The following RAD54L2 variants were observed in gnomAD, a reference collection of about 807,000 sequenced individuals.
RAD54L2 encodes helicase ARIP4.
RAD54L2 carries 27 observed loss-of-function variants against 138.4 expected under a neutral mutation model. That is an observed-to-expected ratio of 0.20 (90% CI 0.14 to 0.27). The LOEUF (loss-of-function observed/expected upper bound fraction) is 0.27. Among genes scored for constraint, RAD54L2 ranks in the 10% least tolerant of loss-of-function variants. RAD54L2 has a pLI of 1.00. For missense variants in RAD54L2, 1,396 were observed against 1,890.2 expected, an observed-to-expected ratio of 0.74 and a Z score of 4.85; for synonymous variants, 644 against 723.2, an observed-to-expected ratio of 0.89 and a Z score of 1.76.
At chr3:51,647,229 G>T (rs2106828609) in intron 19 of RAD54L2, among the ~76,000 whole-genome samples, 1 of 152,100 alleles carries the variant, frequency 6.6e-6, no homozygotes, top group East Asian at 1.9e-4. Context: ...TTGTGACAGG[G>T]TGTCACTCTG....
chr3:51,633,463 C>T, intron 7 of RAD54L2, 114 bp from the exon 8 acceptor site: 1 of 1,011,140 alleles, frequency 9.9e-7, no homozygotes, highest in South Asian at 1.6e-5. Context: ...TCCACACCTG[C>T]TATCTATTAT....
chr3:51,590,438 C>G lies in RAD54L2; in HGVS notation c.18C>G (p.Ala6=). Residue 6 remains alanine (A), a synonymous_variant, in exon 3 of 23, where the codon GCC becomes GCG. Transcript: ENST00000684192. MSDES[A]SGSDPDLDPD... is the part of the protein sequence containing the mutation. ...TGGGAGCCATGTCAGACGAATCTGC[C>G]TCAGGGAGCGATCCAGACCTGGACC... The G allele has an allele frequency of 6.5e-7, 1 of 1,545,484 alleles. No individual in the cohort carries two copies. The highest frequency in any genetic ancestry group is 8.7e-7 in the Non-Finnish European group (1 of 1,143,088).
chr3:51,630,601 G>A, intron 6 of RAD54L2, 104 bp from the exon 7 acceptor site: 1 of 1,077,460 alleles, frequency 9.3e-7, no homozygotes, highest in Non-Finnish European at 1.3e-6. Flanking sequence ...AATAAGTGTT[G>A]ACAAGTTCTA....
intron 20 of RAD54L2, among the ~76,000 whole-genome samples, chr3:51,656,542 A>G (rs1254843341): frequency 6.6e-6 from 1 of 152,188 alleles, no homozygotes; most frequent in African/African-American, 2.4e-5. Flanking sequence ...ACCTTTGTAC[A>G]TAATGAGAAG....
In RAD54L2 at chr3:51,666,022, A is replaced by G. The variant is rs1168213604; in HGVS notation, c.*2602A>G. 6.6e-6 allele frequency: 1 copy of G among 151,920 alleles called. No individual in the cohort carries two copies. Among genetic ancestry groups the G allele is most frequent in the African/African-American group, 2.4e-5 (1 of 41,332 alleles). 9.4% of individuals were successfully genotyped at this position (151,920 alleles called of 1,614,324 possible). On this transcript the variant is annotated 3_prime_UTR_variant, in exon 23 of 23. Coordinates refer to ENST00000684192, the MANE Select transcript of RAD54L2 (RefSeq NM_015106.4). ...CTACTGTCTATCCAGTGTTCCAGGG[A>G]CTGGGTCTTGCTTCTACTCAGCAGA...
chr3:51,611,260 C>CTT (rs539990270), intron 3 of RAD54L2, among the ~76,000 whole-genome samples: 3 of 135,774 alleles, frequency 2.2e-5, no homozygotes, highest in South Asian at 2.3e-4. Context: ...TGCTTGTTGC[C>CTT]TTTTTTTTTT....
chr3:51,655,948 G>A (rs1701587702), intron 19 of RAD54L2, 23 bp from the exon 20 acceptor site: 1 of 1,577,252 alleles, frequency 6.3e-7, no homozygotes, highest in South Asian at 1.1e-5. Flanking sequence ...AACTCTTTTA[G>A]TGTCCTTGTC....
At chr3:51,546,821 G>C (rs910260637) in intron 2 of RAD54L2, among the ~76,000 whole-genome samples, 2 of 151,990 alleles carry the variant, frequency 1.3e-5, no homozygotes, top group Admixed American at 6.6e-5. Context: ...CTGAGGTCAG[G>C]AGTTTCAGAC....
chr3:51,609,698 T>TTGTGTGTGTG (rs5848928), intron 3 of RAD54L2, among the ~76,000 whole-genome samples: 52 of 141,180 alleles, frequency 3.7e-4, no homozygotes, highest in African/African-American at 1.2e-3. Flanking sequence ...TTGTGGGCAT[T>TTGTGTGTGTG]TGTGTGTGTG....
chr3:51,569,624 C>T (rs535336158), intron 2 of RAD54L2, among the ~76,000 whole-genome samples: 18 of 152,216 alleles, frequency 1.2e-4, no homozygotes, highest in Middle Eastern at 3.4e-3. Flanking sequence ...CCTCATGATC[C>T]GCCTGCCTTG....
intron 2 of RAD54L2, among the ~76,000 whole-genome samples, chr3:51,569,048 C>T (rs1699278611): frequency 6.6e-6 from 1 of 152,046 alleles, no homozygotes; most frequent in African/African-American, 2.4e-5. Context: ...CAGAGAAGTT[C>T]CAGCAGGATT....
rs921826496 is a variant in RAD54L2, at chr3:51,590,485, C to T, written c.65C>T (p.Ala22Val). 12 of 1,551,494 alleles carry T rather than the reference C, an allele frequency of 7.7e-6. No homozygotes were observed. Among genetic ancestry groups the T allele is most frequent in the African/African-American group, 2.7e-5 (2 of 72,940 alleles). ...DLDPDVELEDAEEEEEEEEVA... is the reference protein window; with the variant it reads ...DLDPDVELEDVEEEEEEEEVA... Reference sequence around the variant, plus strand: ...GACCCGGACGTGGAGCTGGAGGATGCGGAAGAGGAGGAGGAGGAGGAGGAG... The same window carrying T: ...GACCCGGACGTGGAGCTGGAGGATGTGGAAGAGGAGGAGGAGGAGGAGGAG... Residue 22 changes from alanine (A) to valine (V), a missense_variant, in exon 3 of 23, where the codon GCG becomes GTG. Physicochemically the swap from Ala to Val is moderately conservative, Grantham distance 64. Coordinates refer to ENST00000684192, the MANE Select transcript of RAD54L2 (RefSeq NM_015106.4).
intron 21 of RAD54L2, among the ~76,000 whole-genome samples, chr3:51,658,168 A>G (rs1701656970): frequency 6.6e-6 from 1 of 151,292 alleles, no homozygotes; most frequent in South Asian, 2.1e-4. Flanking sequence ...TCTTGACCTC[A>G]TGATCCGCCC....
chr3:51,603,706 G>A lies in RAD54L2; in HGVS notation c.139+13147G>A, dbSNP rs1326352810. 2.0e-5 allele frequency among the ~76,000 whole-genome samples: 3 copies of A among 152,126 alleles called. No individual in the cohort carries two copies. The East Asian group carries it at 5.8e-4, about 29-fold the overall frequency. Reference sequence around the variant, plus strand: ...AATGAATAAATAAATAATTTTTGGGGTAGAGGTGGGGTCTTGCTCTGTTGC... The same window carrying A: ...AATGAATAAATAAATAATTTTTGGGATAGAGGTGGGGTCTTGCTCTGTTGC... On this transcript the variant is annotated intron_variant, in intron 3 of 22. Coordinates refer to ENST00000684192, the MANE Select transcript of RAD54L2 (RefSeq NM_015106.4).
At chr3:51,590,244 A>T in intron 2 of RAD54L2, 123 bp from the exon 3 acceptor site, 1 of 622,026 alleles carries the variant, frequency 1.6e-6, no homozygotes, top group Non-Finnish European at 2.5e-6. Flanking sequence ...ACCCACCTTG[A>T]CCTCCCAAAG....
chr3:51,573,580 C>T (rs182665098), intron 2 of RAD54L2, among the ~76,000 whole-genome samples: 2 of 152,204 alleles, frequency 1.3e-5, no homozygotes, highest in Non-Finnish European at 2.9e-5. Flanking sequence ...GGATTACAGG[C>T]AAGCGCCACC....
intron 22 of RAD54L2, among the ~76,000 whole-genome samples, chr3:51,661,384 C>T (rs536433832): frequency 2.6e-5 from 4 of 152,322 alleles, no homozygotes; most frequent in East Asian, 1.9e-4. Context: ...CTTGAAGGTT[C>T]GCACAGGATG....
chr3:51,540,701 A>G (rs1698528194), intron 1 of RAD54L2, among the ~76,000 whole-genome samples: 1 of 152,252 alleles, frequency 6.6e-6, no homozygotes, highest in African/African-American at 2.4e-5. Flanking sequence ...AGTTCTCATT[A>G]TTGTAAACAT....
chr3:51,655,691 A>G (rs1701580857), intron 19 of RAD54L2, among the ~76,000 whole-genome samples: 1 of 152,170 alleles, frequency 6.6e-6, no homozygotes, highest in Admixed American at 6.5e-5. Context: ...CAGGTTCTAG[A>G]GGAGCAAATA....
Sources: allele counts gnomAD v4.1 joint callset (sites outside exome capture counted in the v4.1 genomes callset), GRCh38; gene constraint gnomAD v4.1.1; transcripts MANE v1.5; gene names NCBI Gene and HGNC (gene_info 2026-07-23, HGNC 2026-07-21).